The following LRMDA variants were observed in gnomAD, a reference collection of about 807,000 sequenced individuals.
LRMDA encodes the protein leucine rich melanocyte differentiation associated.
Under a neutral mutation model 29.8 loss-of-function variants are expected in LRMDA, and 18 were observed. The observed-to-expected ratio is 0.60, with a 90% confidence interval of 0.42 to 0.90. LRMDA has a LOEUF of 0.90. LRMDA is among the 40% of genes least tolerant of loss of function. The pLI is 0.00. For synonymous variants in LRMDA, 125 were observed against 109.4 expected (o/e 1.14, Z -0.89); for missense variants, 273 against 273.9 (o/e 1.00, Z 0.02).
intron 5 of LRMDA, among the ~76,000 whole-genome samples, chr10:76,199,259 A>G (rs972572210): frequency 6.6e-6 from 1 of 152,190 alleles, no homozygotes; most frequent in Admixed American, 6.5e-5. Flanking sequence ...GTTCTCAAAC[A>G]TGTTCAAGAA....
At chr10:75,768,617 C>T (rs1440339393) in intron 2 of LRMDA, among the ~76,000 whole-genome samples, 1 of 152,166 alleles carries the variant, frequency 6.6e-6, no homozygotes, top group Non-Finnish European at 1.5e-5. Flanking sequence ...GGTCTTGTTC[C>T]TTTTCTCCAA....
intron 2 of LRMDA, among the ~76,000 whole-genome samples, chr10:75,505,918 A>G (rs1160241226): frequency 6.6e-6 from 1 of 152,134 alleles, no homozygotes; most frequent in Non-Finnish European, 1.5e-5. Flanking sequence ...TTAAGAGTCT[A>G]CTATGGGCCA....
chr10:75,952,246 G>A (rs1197093864), intron 2 of LRMDA, among the ~76,000 whole-genome samples: 4 of 151,966 alleles, frequency 2.6e-5, no homozygotes, highest in East Asian at 3.9e-4. Flanking sequence ...GTATGACCTC[G>A]TGTTGTATTT....
intron 2 of LRMDA, among the ~76,000 whole-genome samples, chr10:75,617,360 G>C (rs1841117346): frequency 6.6e-6 from 1 of 152,114 alleles, no homozygotes. Context: ...TGGCTGGTTG[G>C]GAGTACATGG....
intron 2 of LRMDA, among the ~76,000 whole-genome samples, chr10:75,774,343 A>G (rs1314547750): frequency 6.6e-6 from 1 of 152,102 alleles, no homozygotes; most frequent in African/African-American, 2.4e-5. Context: ...AGGACTTGTT[A>G]GTATTTCTTC....
At chr10:76,353,223 G>C (rs1434092041) in intron 6 of LRMDA, among the ~76,000 whole-genome samples, 1 of 152,004 alleles carries the variant, frequency 6.6e-6, no homozygotes, top group Non-Finnish European at 1.5e-5. Context: ...GGACAAGAGG[G>C]AGCCATTAAT....
chr10:75,504,692 G>A (rs1023692705), intron 2 of LRMDA, among the ~76,000 whole-genome samples: 3 of 152,240 alleles, frequency 2.0e-5, no homozygotes, highest in Middle Eastern at 3.4e-3. Context: ...AACAGCATGT[G>A]CAAAGGCCTT....
chr10:76,519,909 C>CT (rs1564565184), intron 6 of LRMDA, among the ~76,000 whole-genome samples: 1 of 152,030 alleles, frequency 6.6e-6, no homozygotes. Context: ...AAAAAGCATA[C>CT]TTTTTTTAAG....
At chr10:76,211,639 T>G (rs112512722) in intron 5 of LRMDA, among the ~76,000 whole-genome samples, 4 of 152,254 alleles carry the variant, frequency 2.6e-5, no homozygotes, top group African/African-American at 4.8e-5. Context: ...GATAGGTTTT[T>G]AGGTTTTGCT....
intron 2 of LRMDA, among the ~76,000 whole-genome samples, chr10:75,452,371 C>T (rs1220524183): frequency 2.0e-5 from 3 of 152,082 alleles, no homozygotes; most frequent in East Asian, 1.9e-4. Context: ...CTGTTCACGC[C>T]GCTAAGGGAG....
At chr10:76,198,876 A>G (rs1373480339) in intron 5 of LRMDA, among the ~76,000 whole-genome samples, 2 of 152,246 alleles carry the variant, frequency 1.3e-5, no homozygotes, top group Non-Finnish European at 2.9e-5. Context: ...TAATAAATCA[A>G]ACTGATTTCT....
intron 5 of LRMDA, among the ~76,000 whole-genome samples, chr10:76,229,344 G>T (rs1189203160): frequency 1.3e-5 from 2 of 152,160 alleles, no homozygotes; most frequent in Non-Finnish European, 2.9e-5. Flanking sequence ...AGTAGTGGGG[G>T]TCTGCAGGCA....
chr10:76,423,160 T>A (rs1296702343), intron 6 of LRMDA, among the ~76,000 whole-genome samples: 1 of 152,170 alleles, frequency 6.6e-6, no homozygotes, highest in Non-Finnish European at 1.5e-5. Flanking sequence ...TTTGGGAGGC[T>A]GACGCAGGCA....
intron 3 of LRMDA, among the ~76,000 whole-genome samples, chr10:76,045,729 T>G (rs1054581103): frequency 6.6e-6 from 1 of 152,072 alleles, no homozygotes; most frequent in Non-Finnish European, 1.5e-5. Context: ...AGCAGTTAAA[T>G]TGGGTCACTG....
intron 2 of LRMDA, among the ~76,000 whole-genome samples, chr10:75,825,811 T>A (rs901084301): frequency 1.3e-5 from 2 of 152,224 alleles, no homozygotes; most frequent in Admixed American, 1.3e-4. Context: ...ACATAGGCAC[T>A]GTTGGCCTGG....
At chr10:76,503,484 C>T (rs1243537041) in intron 6 of LRMDA, among the ~76,000 whole-genome samples, 28 of 125,196 alleles carry the variant, frequency 2.2e-4, no homozygotes, top group Admixed American at 3.9e-4. Context: ...TTTTTTTTTT[C>T]AATTGTTGAT....
At chr10:75,500,740 G>A (rs1264344395) in intron 2 of LRMDA, among the ~76,000 whole-genome samples, 1 of 152,092 alleles carries the variant, frequency 6.6e-6, no homozygotes, top group Non-Finnish European at 1.5e-5. Context: ...TGTACGAAGG[G>A]GGAAGAGCCC....
chr10:75,500,906 C>A (rs1025705495), intron 2 of LRMDA, among the ~76,000 whole-genome samples: 1 of 152,144 alleles, frequency 6.6e-6, no homozygotes. Context: ...AAAGCCTATC[C>A]AAATCTGTTT....
chr10:76,040,294 C>T (rs889319757), intron 3 of LRMDA, among the ~76,000 whole-genome samples: 1 of 152,196 alleles, frequency 6.6e-6, no homozygotes, highest in African/African-American at 2.4e-5. Context: ...AGCCCAGAAC[C>T]AGCATCTGGA....
Sources: gnomAD v4.1 joint callset for allele counts (sites outside exome capture counted in the v4.1 genomes callset) on GRCh38, gnomAD v4.1.1 for gene constraint, MANE v1.5 for transcripts, NCBI Gene and HGNC (gene_info 2026-07-23, HGNC 2026-07-21) for gene names.